NTNG1: variants seen among roughly 807,000 people sequenced by gnomAD.
NTNG1 encodes the protein netrin G1.
A neutral mutation model predicts 54.0 loss-of-function variants in NTNG1; 16 were observed. That is an observed-to-expected ratio of 0.30 (90% CI 0.20 to 0.45). The LOEUF (loss-of-function observed/expected upper bound fraction) is 0.45. Ranked by LOEUF, NTNG1 falls within the 20% of genes least tolerant of loss-of-function variation. The probability of loss-of-function intolerance (pLI) is 1.00; values close to 1 mark genes in which losing one functional copy is unlikely to be tolerated. For missense variants in NTNG1, 530 were observed against 678.7 expected, an observed-to-expected ratio of 0.78 and a Z score of 2.43; for synonymous variants, 255 against 263.1, an observed-to-expected ratio of 0.97 and a Z score of 0.30.
Position 107,267,010 on chromosome 1 carries a change from A to G in NTNG1, c.247-57272A>G, listed in dbSNP as rs148164368. Among the ~76,000 whole-genome samples, 733 of 152,324 alleles carry G rather than the reference A, an allele frequency of 4.8e-3. 6 individuals are homozygous for G. The highest frequency in any genetic ancestry group is 0.017 in the African/African-American group (692 of 41,574). ...AAAGGTGTATGATTGCATCTTGGAA[A>G]CTACAGTCTCACTATAGTCACAACA... On this transcript the variant is annotated intron_variant, in intron 2 of 7. Coordinates refer to ENST00000370068, the MANE Select transcript of NTNG1 (RefSeq NM_001113226.3).
intron 2 of NTNG1, among the ~76,000 whole-genome samples, chr1:107,169,566 T>A (rs1241174328): frequency 6.6e-6 from 1 of 152,130 alleles, no homozygotes; most frequent in Non-Finnish European, 1.5e-5. Flanking sequence ...ATAGGAATAG[T>A]TTATGCTGTT....
chr1:107,160,101 A>G (rs200807909), intron 2 of NTNG1, among the ~76,000 whole-genome samples: 2 of 152,182 alleles, frequency 1.3e-5, no homozygotes, highest in East Asian at 3.8e-4. Context: ...AGTATCAATA[A>G]CAACTGTTAT....
chr1:107,143,499 T>A (rs1215125154), intron 1 of NTNG1: 2 of 151,184 alleles, frequency 1.3e-5, no homozygotes, highest in African/African-American at 4.8e-5. Flanking sequence ...GAGTTTTAGT[T>A]ACAAAGGCAT....
chr1:107,206,870 C>T (rs575502049), intron 2 of NTNG1, among the ~76,000 whole-genome samples: 142 of 152,076 alleles, frequency 9.3e-4, no homozygotes, highest in African/African-American at 1.7e-3. Flanking sequence ...TGAACGAGCC[C>T]GCCTTTAATA....
chr1:107,191,111 TC>T (rs1557795361), intron 2 of NTNG1, among the ~76,000 whole-genome samples: 1 of 152,244 alleles, frequency 6.6e-6, no homozygotes, highest in Non-Finnish European at 1.5e-5. Flanking sequence ...TTTTTAATGA[TC>T]GCCATTCTAA....
At chr1:107,233,301 A>G (rs1418713608) in intron 2 of NTNG1, among the ~76,000 whole-genome samples, 1 of 152,156 alleles carries the variant, frequency 6.6e-6, no homozygotes, top group Admixed American at 6.6e-5. Context: ...GATTTCAGAA[A>G]ATACTTTTAT....
intron 7 of NTNG1, among the ~76,000 whole-genome samples, chr1:107,462,791 A>C (rs1260751734): frequency 6.6e-6 from 1 of 152,324 alleles, no homozygotes; most frequent in Non-Finnish European, 1.5e-5. Flanking sequence ...ATTTGTTGGT[A>C]AGATTTTTAT....
In NTNG1 at chr1:107,364,440, T is replaced by G. The variant is rs929048753; in HGVS notation, c.888-30714T>G. Among the ~76,000 whole-genome samples the G allele has an allele frequency of 2.6e-5, 4 of 152,216 alleles. No individual in the cohort carries two copies. In the South Asian group the frequency reaches 6.2e-4, roughly 24 times the overall value. ...GACCTTCATAATAAAGGTTTTTTGT[T>G]GTTGTTTTACTTGAATTATTTCATT... On this transcript the variant is annotated intron_variant, in intron 3 of 7. Coordinates refer to ENST00000370068, the MANE Select transcript of NTNG1 (RefSeq NM_001113226.3).
intron 2 of NTNG1, among the ~76,000 whole-genome samples, chr1:107,242,558 A>G (rs1289641319): frequency 6.6e-6 from 1 of 152,148 alleles, no homozygotes; most frequent in East Asian, 1.9e-4. Flanking sequence ...TGTTAGGTAA[A>G]ACAGCAAACC....
chr1:107,249,441 C>T (rs1662438134), intron 2 of NTNG1, among the ~76,000 whole-genome samples: 1 of 148,252 alleles, frequency 6.7e-6, no homozygotes, highest in South Asian at 2.1e-4. Context: ...GAGATGGCGC[C>T]ATTGCACTCC....
At chr1:107,456,076 G>A (rs1177732684) in intron 7 of NTNG1, among the ~76,000 whole-genome samples, 1 of 152,146 alleles carries the variant, frequency 6.6e-6, no homozygotes, top group East Asian at 1.9e-4. Context: ...GATGATGGGA[G>A]GCAGGTCATT....
At chr1:107,238,007 G>C (rs943817958) in intron 2 of NTNG1, among the ~76,000 whole-genome samples, 5 of 152,126 alleles carry the variant, frequency 3.3e-5, no homozygotes, top group African/African-American at 1.2e-4. Flanking sequence ...ATCCCAGAAT[G>C]GTAGACCCAC....
intron 4 of NTNG1, among the ~76,000 whole-genome samples, chr1:107,402,734 C>T (rs1343859207): frequency 6.6e-6 from 1 of 152,118 alleles, no homozygotes. Context: ...AATTCCTCTG[C>T]AATACAAATG....
At chr1:107,160,621 G>T (rs185360523) in intron 2 of NTNG1, among the ~76,000 whole-genome samples, 4 of 151,684 alleles carry the variant, frequency 2.6e-5, no homozygotes, top group African/African-American at 7.3e-5. Context: ...ATTTTTTCTC[G>T]TAACTTTGTG....
intron 2 of NTNG1, among the ~76,000 whole-genome samples, chr1:107,213,470 T>C (rs1418755570): frequency 6.6e-6 from 1 of 152,112 alleles, no homozygotes; most frequent in Non-Finnish European, 1.5e-5. Flanking sequence ...CCGCAAGCCT[T>C]AGTTGGGAAA....
At chr1:107,225,566 C>G (rs944717142) in intron 2 of NTNG1, among the ~76,000 whole-genome samples, 1 of 152,092 alleles carries the variant, frequency 6.6e-6, no homozygotes, top group African/African-American at 2.4e-5. Flanking sequence ...AGATACATAA[C>G]CTCTATAAAC....
chr1:107,346,952 C>T (rs1037974734), intron 3 of NTNG1, among the ~76,000 whole-genome samples: 7 of 136,526 alleles, frequency 5.1e-5, no homozygotes, highest in Non-Finnish European at 9.3e-5. Context: ...CCCAGGAAAA[C>T]AGTGGTGGCA....
intron 2 of NTNG1, among the ~76,000 whole-genome samples, chr1:107,184,272 T>A (rs975227023): frequency 3.3e-5 from 5 of 152,074 alleles, no homozygotes; most frequent in African/African-American, 1.2e-4. Flanking sequence ...CATACCACCA[T>A]GCACTGGGGG....
intron 7 of NTNG1, among the ~76,000 whole-genome samples, chr1:107,459,442 T>G (rs987438991): frequency 2.0e-5 from 3 of 151,890 alleles, no homozygotes; most frequent in Non-Finnish European, 4.4e-5. Context: ...AAAATACCCT[T>G]GCCAGTATAC....
Sources: gnomAD v4.1 joint callset for allele counts (sites outside exome capture counted in the v4.1 genomes callset) on GRCh38, gnomAD v4.1.1 for gene constraint, MANE v1.5 for transcripts, NCBI Gene and HGNC (gene_info 2026-07-23, HGNC 2026-07-21) for gene names.